Variants in ZNF862 observed in about 807,000 individuals in gnomAD.
ZNF862 encodes the protein zinc finger protein 862.
Under a neutral mutation model 91.1 loss-of-function variants are expected in ZNF862, and 64 were observed. That is an observed-to-expected ratio of 0.70 (90% CI 0.57 to 0.87). The LOEUF is 0.87. ZNF862 is among the 40% of genes least tolerant of loss of function. The pLI is 0.00. For missense variants in ZNF862, 1,459 were observed against 1,528.0 expected, an observed-to-expected ratio of 0.95 and a Z score of 0.75; for synonymous variants, 631 against 618.1, an observed-to-expected ratio of 1.02 and a Z score of -0.31.
intron 6 of ZNF862, 76 bp from the exon 7 acceptor site, chr7:149,860,307 T>G: frequency 7.5e-7 from 1 of 1,325,756 alleles, no homozygotes; most frequent in Non-Finnish European, 1.0e-6. Context: ...CTTATTAAAT[T>G]TGGGGGTGTC....
rs371675124 is a variant in ZNF862, at chr7:149,860,967, A to C, written c.1807A>C (p.Ile603Leu). The C allele has an allele frequency of 8.7e-6, 14 of 1,613,516 alleles. No individual in the cohort carries two copies. Among genetic ancestry groups the C allele is most frequent in the Non-Finnish European group, 1.1e-5 (13 of 1,179,828 alleles). Residue 603 changes from isoleucine to leucine, a missense_variant, in exon 7 of 8, where the codon ATC (isoleucine) becomes CTC (leucine). Transcript: ENST00000223210. ...CAATCGCACGGCGTGCACTCAGTTC[A>C]TCAAGTACATCTCAGAGACCCTGAA... is the stretch of plus-strand genomic sequence containing the variant. ...YRNRTACTQF[I>L]KYISETLKRE...
intron 7 of ZNF862, 113 bp downstream of exon 7, chr7:149,862,607 G>A: frequency 8.3e-7 from 1 of 1,206,974 alleles, no homozygotes; most frequent in Non-Finnish European, 1.1e-6. Flanking sequence ...CCATTTGCTA[G>A]GCCAGTGGGT....
At chr7:149,844,439 C>G (rs926786838) in intron 1 of ZNF862, among the ~76,000 whole-genome samples, 186 bp from the exon 2 acceptor site, 2 of 152,110 alleles carry the variant, frequency 1.3e-5, no homozygotes, top group African/African-American at 4.8e-5. Context: ...CGTGGCACTT[C>G]CCAGAAGAAA....
At chr7:149,841,136 G>C in intron 1 of ZNF862, 2 of 985,452 alleles carry the variant, frequency 2.0e-6, no homozygotes, top group Non-Finnish European at 2.4e-6. Context: ...CCAACTGTCA[G>C]TGTAAGATGT....
At chr7:149,859,590 A>G (rs555153776) in intron 6 of ZNF862, 64 bp downstream of exon 6, 2 of 1,322,550 alleles carry the variant, frequency 1.5e-6, no homozygotes, top group East Asian at 5.0e-5. Context: ...ATGATGAGTC[A>G]AACAGCATGA....
intron 5 of ZNF862, 158 bp from the exon 6 acceptor site, chr7:149,859,264 C>G (rs1802368406): frequency 2.9e-6 from 2 of 697,534 alleles, no homozygotes; most frequent in East Asian, 5.4e-5. Context: ...CTCTTTGGCA[C>G]TCTGGGTTTG....
In ZNF862 at chr7:149,865,291, T is replaced by C. The variant is rs1328301187; in HGVS notation, c.*1007T>C. 6.6e-6 allele frequency: 1 copy of C among 152,248 alleles called. No individual in the cohort carries two copies. The highest frequency in any genetic ancestry group is 1.5e-5 in the Non-Finnish European group (1 of 68,078). The allele number at this position is 152,248 out of a possible 1,614,324, so 9.4% of individuals were successfully genotyped here. A position where few individuals can be genotyped will look rare whatever the true frequency, so the allele number is the denominator to read the frequency against. On this transcript the variant is annotated 3_prime_UTR_variant, in exon 8 of 8. Transcript: ENST00000223210. ...GAATTTGTCTCCAAAGTCCTTGTTG[T>C]AGGAGTTGCTCTCTGAATGCACCAT...
At position 149,850,107 on chromosome 7, in the gene ZNF862, C is replaced by T. The variant is rs933704061; in HGVS notation, c.940-54C>T. 1.4e-5 allele frequency: 21 copies of T among 1,542,656 alleles called. No individual in the cohort carries two copies. Among genetic ancestry groups the T allele is most frequent in the East Asian group, 2.4e-5 (1 of 40,896 alleles). ...GCTTCCAAAGGCCCCAGAAGTGTCACGTGGGAGTCTGGCTCGGCAGGCGGT... is the reference window on the plus strand; with the variant it reads ...GCTTCCAAAGGCCCCAGAAGTGTCATGTGGGAGTCTGGCTCGGCAGGCGGT... On this transcript the variant is annotated intron_variant, in intron 4 of 7. Coordinates refer to ENST00000223210, the MANE Select transcript of ZNF862 (RefSeq NM_001099220.3). This position sits in a 1 kb window ranked among gnomAD's most constrained non-coding sequence, Gnocchi z 4.2.
rs768358070 is a variant in ZNF862 at position 149,864,131 on chromosome 7, G to T, written c.3357G>T (p.Glu1119Asp). ...CAGGCGCCAGGCTCAGGAAGGAGGA[G>T]ATGGGAGCCCTCTATGTGGAGGAGC... Reference protein sequence around the residue: ...SPASARLRKEEMGALYVEEPR... With the variant: ...SPASARLRKEDMGALYVEEPR... Residue 1119 changes from glutamate to aspartate, a missense_variant, in exon 8 of 8, where the codon GAG becomes GAT. Physicochemically the swap from Glu to Asp is conservative, Grantham distance 45 (BLOSUM62 2). Transcript: ENST00000223210. 3.1e-6 allele frequency: 5 copies of T among 1,588,554 alleles called. No individual in the cohort carries two copies. The Admixed American group carries it at 7.1e-5, about 23-fold the overall frequency.
chr7:149,860,703 A>G lies in ZNF862; in HGVS notation c.1543A>G (p.Thr515Ala). The G allele has an allele frequency of 6.2e-7, 1 of 1,613,884 alleles. No individual in the cohort carries two copies. Among genetic ancestry groups the G allele is most frequent in the South Asian group, 1.1e-5 (1 of 91,074 alleles). The change falls in exon 7 of 8, where the codon ACT (threonine) becomes GCT (alanine). Residue 515 changes from threonine (T) to alanine (A), a missense_variant. Transcript: ENST00000223210. ...RGYTGPFKVE[T>A]LKYHEVSKAH... ...TTACACGGGGCCTTTTAAAGTGGAG[A>G]CTTTAAAATACCATGAAGTCAGCAA...
chr7:149,844,850 A>C (rs140965659), intron 2 of ZNF862, 114 bp downstream of exon 2: 8 of 700,674 alleles, frequency 1.1e-5, no homozygotes, highest in Non-Finnish European at 2.0e-5. Flanking sequence ...TTGTCTAGGC[A>C]TCTTTACTCC....
chr7:149,857,134 T>C (rs569180677), intron 5 of ZNF862, among the ~76,000 whole-genome samples: 10 of 152,330 alleles, frequency 6.6e-5, no homozygotes, highest in African/African-American at 1.4e-4. Context: ...TTAATCTTTT[T>C]TTTTGGGTAT....
At chr7:149,842,517 A>G (rs539734465) in intron 1 of ZNF862, among the ~76,000 whole-genome samples, 2 of 152,212 alleles carry the variant, frequency 1.3e-5, no homozygotes, top group South Asian at 2.1e-4. Context: ...GGCTCTTGCT[A>G]TAATATTGCT....
intron 5 of ZNF862, among the ~76,000 whole-genome samples, chr7:149,857,412 T>G (rs780731758): frequency 6.6e-6 from 1 of 152,190 alleles, no homozygotes; most frequent in African/African-American, 2.4e-5. Flanking sequence ...GTTTTTTAGT[T>G]GCTAAACACT....
Position 149,860,402 on chromosome 7 carries a change from AGT to A in ZNF862, c.1244_1245del (p.Val415GlufsTer33). The part of the protein sequence containing the change: ...RPPGNKKMVA[V>X]READTQASAA... ...CCAAAGGGAACAAGAAGATGGTGGC[AGT>A]GAGAGAGGCAGACACACAGGCCTCG... On this transcript the variant is annotated frameshift_variant, in exon 7 of 8. Transcript: ENST00000223210. LOFTEE classifies it high-confidence loss of function. The A allele has an allele frequency of 6.2e-7, 1 of 1,611,298 alleles. No individual in the cohort carries two copies. The highest frequency in any genetic ancestry group is 1.1e-5 in the South Asian group (1 of 90,708).
At chr7:149,849,582 C>A (rs1333492066) in intron 4 of ZNF862, among the ~76,000 whole-genome samples, 1 of 152,222 alleles carries the variant, frequency 6.6e-6, no homozygotes, top group East Asian at 1.9e-4. Context: ...CATAAGGAAT[C>A]CAGTTCAACT....
At position 149,850,266 on chromosome 7, in the gene ZNF862, A is replaced by G. The variant is rs1586051271; in HGVS notation, c.1045A>G (p.Met349Val). ...GTATTTCACCCGGGAGGAGTGGGGC[A>G]TGCTAGACAAGCGGCAGAAGGAGCT... ...AVYFTREEWG[M>V]LDKRQKELYR... The change falls in exon 5 of 8, where the codon ATG becomes GTG. Residue 349 changes from methionine (M) to valine (V), a missense_variant. Physicochemically the swap from Met to Val is conservative, Grantham distance 21. Coordinates refer to ENST00000223210, the MANE Select transcript of ZNF862 (RefSeq NM_001099220.3). This position sits in a 1 kb window ranked among gnomAD's most constrained non-coding sequence, Gnocchi z 4.2. The G allele has an allele frequency of 6.2e-7, 1 of 1,613,754 alleles. No individual in the cohort carries two copies. The highest frequency in any genetic ancestry group is 8.5e-7 in the Non-Finnish European group (1 of 1,179,874).
At chr7:149,858,257 TCTC>T (rs1802327616) in intron 5 of ZNF862, 1 of 152,230 alleles carries the variant, frequency 6.6e-6, no homozygotes, top group African/African-American at 2.4e-5. Flanking sequence ...CTTTCTTTTG[TCTC>T]CTTCCCTTCC....
At chr7:149,846,339 C>A (rs533198423) in intron 3 of ZNF862, 84 bp downstream of exon 3, 1 of 1,066,178 alleles carries the variant, frequency 9.4e-7, no homozygotes, top group Non-Finnish European at 1.4e-6. Context: ...TCATCCTCTG[C>A]CCTTCCTGTT....
Sources: gnomAD v4.1 joint callset for allele counts (sites outside exome capture counted in the v4.1 genomes callset) on GRCh38, gnomAD v4.1.1 for gene constraint, Gnocchi (gnomAD v3.1) non-coding constraint, MANE v1.5 for transcripts, NCBI Gene and HGNC (gene_info 2026-07-23, HGNC 2026-07-21) for gene names.